Variants in ZNF184 observed in about 807,000 individuals in gnomAD.
ZNF184 encodes zinc finger protein 184.
ZNF184 carries 16 observed loss-of-function variants against 54.4 expected under a neutral mutation model. The observed-to-expected ratio is 0.29, with a 90% confidence interval of 0.20 to 0.45. ZNF184 has a LOEUF of 0.45. ZNF184 is among the 20% of genes least tolerant of loss of function. The pLI is 1.00. For missense variants in ZNF184, 681 were observed against 888.2 expected, an observed-to-expected ratio of 0.77 and a Z score of 2.97; for synonymous variants, 254 against 295.3, an observed-to-expected ratio of 0.86 and a Z score of 1.43.
At chr6:27,470,171 T>C (rs1430345385) in intron 2 of ZNF184, among the ~76,000 whole-genome samples, 1 of 151,966 alleles carries the variant, frequency 6.6e-6, no homozygotes, top group Non-Finnish European at 1.5e-5. Flanking sequence ...TTACGCAAAA[T>C]GATCTGATAT....
At chr6:27,467,430 C>T (rs1466274924) in intron 3 of ZNF184, among the ~76,000 whole-genome samples, 4 of 152,036 alleles carry the variant, frequency 2.6e-5, no homozygotes, top group Non-Finnish European at 1.5e-5. Flanking sequence ...CCCGTCTCTA[C>T]TAAAAATACA....
the ZNF184 span, among the ~76,000 whole-genome samples, chr6:27,408,608 TTG>T: frequency 6.6e-6 from 1 of 152,234 alleles, no homozygotes; most frequent in Admixed American, 6.5e-5. Flanking sequence ...CTCTAGCATT[TTG>T]GAAATGATAC....
At chr6:27,416,478 A>G in the ZNF184 span, among the ~76,000 whole-genome samples, 1 of 152,188 alleles carries the variant, frequency 6.6e-6, no homozygotes, top group Non-Finnish European at 1.5e-5. Context: ...CTTCTGTGGA[A>G]CAAGCCTACT....
the ZNF184 span, among the ~76,000 whole-genome samples, chr6:27,441,429 G>T: frequency 6.6e-6 from 1 of 152,122 alleles, no homozygotes; most frequent in Non-Finnish European, 1.5e-5. Flanking sequence ...TGCCCAGGCT[G>T]GTCTCAAACT....
the ZNF184 span, among the ~76,000 whole-genome samples, chr6:27,410,285 T>C: frequency 6.6e-6 from 1 of 152,192 alleles, no homozygotes; most frequent in Non-Finnish European, 1.5e-5. Context: ...AGGATTTTAC[T>C]CCAGTTCTGC....
the ZNF184 span, chr6:27,404,827 G>A: frequency 1.3e-5 from 2 of 152,052 alleles, no homozygotes; most frequent in Non-Finnish European, 2.9e-5. Flanking sequence ...GACCAGCCTG[G>A]CCAACATGAT....
the ZNF184 span, among the ~76,000 whole-genome samples, chr6:27,413,732 C>A: frequency 6.6e-6 from 1 of 152,188 alleles, no homozygotes; most frequent in South Asian, 2.1e-4. Flanking sequence ...TCCTGGTATA[C>A]CCTTCATTTT....
At chr6:27,444,638 A>G in the ZNF184 span, among the ~76,000 whole-genome samples, 2 of 152,168 alleles carry the variant, frequency 1.3e-5, no homozygotes, top group Admixed American at 6.5e-5. Flanking sequence ...CACTCTACCA[A>G]AACTGCTCCT....
At chr6:27,423,694 T>C in the ZNF184 span, among the ~76,000 whole-genome samples, 1 of 152,156 alleles carries the variant, frequency 6.6e-6, no homozygotes, top group African/African-American at 2.4e-5. Flanking sequence ...AGTATATACT[T>C]CCAGCCCTTT....
Position 27,457,268 on chromosome 6 carries a change from A to T in ZNF184, c.202+15T>A, listed in dbSNP as rs1244403797. 1 of 1,613,000 alleles carries T rather than the reference A, an allele frequency of 6.2e-7. No homozygotes were observed. Among genetic ancestry groups the T allele is most frequent in the Non-Finnish European group, 8.5e-7 (1 of 1,179,474 alleles). On this transcript the variant is annotated intron_variant, in intron 4 of 5. Transcript: ENST00000683788. ...TGCACACCCCTTGATATTAACTCAG[A>T]GAAATTATCCTTACCTATAGAGACC...
chr6:27,445,721 CA>C, the ZNF184 span, among the ~76,000 whole-genome samples: 80 of 129,116 alleles, frequency 6.2e-4, no homozygotes, highest in Non-Finnish European at 5.0e-4. Context: ...TCTGTTATAG[CA>C]AAAAAAAAAA....
chr6:27,448,352 C>A (rs972079097), downstream of ZNF184, among the ~76,000 whole-genome samples: 2 of 152,200 alleles, frequency 1.3e-5, no homozygotes, highest in African/African-American at 4.8e-5. Flanking sequence ...TTTAAGCCAC[C>A]ATTCGATCTT....
the ZNF184 span, among the ~76,000 whole-genome samples, chr6:27,442,276 A>G: frequency 3.9e-5 from 6 of 152,142 alleles, no homozygotes; most frequent in African/African-American, 1.2e-4. Flanking sequence ...GTTTCCCCCA[A>G]TAATGTATTT....
the ZNF184 span, among the ~76,000 whole-genome samples, chr6:27,442,632 T>C: frequency 7.0e-6 from 1 of 143,490 alleles, no homozygotes; most frequent in Non-Finnish European, 1.5e-5. Context: ...AGAAAGCAAG[T>C]ACACTAGGAA....
chr6:27,460,038 G>A lies in ZNF184; in HGVS notation c.76-2629C>T, dbSNP rs549896415. Among the ~76,000 whole-genome samples the A allele has an allele frequency of 3.4e-4, 52 of 152,198 alleles. No homozygotes were observed. In the South Asian group the frequency reaches 9.8e-3, roughly 29 times the overall value. ...AGAAATAAGCTGGGCGTGGTGGCAC[G>A]CACCTGTAGTCCCAGCTCCTCAGGA... On this transcript the variant is annotated intron_variant, in intron 3 of 5. Coordinates refer to ENST00000683788, the MANE Select transcript of ZNF184 (RefSeq NM_001318891.2).
chr6:27,463,761 C>CAA (rs1763057935), intron 3 of ZNF184, among the ~76,000 whole-genome samples: 1 of 151,920 alleles, frequency 6.6e-6, no homozygotes, highest in Non-Finnish European at 1.5e-5. Context: ...ACAATGGACA[C>CAA]TGGAGCAATA....
In ZNF184 at chr6:27,472,220, T is replaced by G. The variant is rs1763293152; in HGVS notation, c.7+68A>C. ...AATCTCCTGCTCTGATCTCAAGTAT[T>G]TGATACTCCAGTCATGACTGTTCTC... On this transcript the variant is annotated intron_variant, in intron 2 of 5. Coordinates refer to ENST00000683788, the MANE Select transcript of ZNF184 (RefSeq NM_001318891.2). The surrounding 1 kb of genome is among the most constrained non-coding windows in gnomAD (Gnocchi z 4.8). 1 of 1,598,918 alleles carries G rather than the reference T, an allele frequency of 6.3e-7. No homozygotes were observed. The highest frequency in any genetic ancestry group is 1.3e-5 in the African/African-American group (1 of 74,620).
At chr6:27,468,654 T>C (rs551040777) in intron 2 of ZNF184, among the ~76,000 whole-genome samples, 1 of 152,328 alleles carries the variant, frequency 6.6e-6, no homozygotes, top group African/African-American at 2.4e-5. Context: ...TAAACAACCA[T>C]GGTATTTTCA....
intron 3 of ZNF184, among the ~76,000 whole-genome samples, chr6:27,462,055 T>C (rs1763008721): frequency 6.6e-6 from 1 of 152,162 alleles, no homozygotes; most frequent in Non-Finnish European, 1.5e-5. Flanking sequence ...AGGCATTGGG[T>C]AGAATACTCA....
Sources: allele counts gnomAD v4.1 joint callset (sites outside exome capture counted in the v4.1 genomes callset), GRCh38; gene constraint gnomAD v4.1.1; non-coding constraint Gnocchi (gnomAD v3.1); transcripts MANE v1.5; gene names NCBI Gene and HGNC (gene_info 2026-07-23, HGNC 2026-07-21).